The following SPAG16 variants were observed in gnomAD, a reference collection of about 807,000 sequenced individuals.
SPAG16 encodes sperm associated antigen 16.
A neutral mutation model predicts 80.4 loss-of-function variants in SPAG16; 86 were observed. That is an observed-to-expected ratio of 1.07 (90% confidence interval 0.90 to 1.28). SPAG16 has a LOEUF of 1.28. SPAG16 is among the 50% of genes most tolerant of loss of function. The probability of loss-of-function intolerance (pLI) is 0.00; values close to 1 mark genes in which losing one functional copy is unlikely to be tolerated. For synonymous variants in SPAG16, 294 were observed against 265.9 expected (o/e 1.11, Z -1.03); for missense variants, 870 against 765.3 (o/e 1.14, Z -1.61).
chr2:213,384,121 T>G (rs932009767), intron 9 of SPAG16, among the ~76,000 whole-genome samples: 1 of 152,206 alleles, frequency 6.6e-6, no homozygotes, highest in Non-Finnish European at 1.5e-5. Context: ...GAAACTAGAC[T>G]AGGGAATTAT....
At chr2:213,986,813 A>G (rs971793217) in intron 12 of SPAG16, among the ~76,000 whole-genome samples, 4 of 146,956 alleles carry the variant, frequency 2.7e-5, no homozygotes, top group Non-Finnish European at 4.5e-5. Flanking sequence ...AATAAAACAT[A>G]GTGTAAGTAT....
chr2:213,835,171 A>G (rs537667952), intron 10 of SPAG16, among the ~76,000 whole-genome samples: 1 of 152,170 alleles, frequency 6.6e-6, no homozygotes, highest in Non-Finnish European at 1.5e-5. Flanking sequence ...GAGATTTTAC[A>G]TAACTTGCTG....
At chr2:213,409,487 TATC>T (rs1454558298) in intron 9 of SPAG16, among the ~76,000 whole-genome samples, 1 of 152,164 alleles carries the variant, frequency 6.6e-6, no homozygotes, top group Non-Finnish European at 1.5e-5. Context: ...GTTAAAGAGG[TATC>T]ATCCAGTTTT....
At chr2:213,517,745 C>T (rs368818600) in intron 10 of SPAG16, among the ~76,000 whole-genome samples, 6 of 152,072 alleles carry the variant, frequency 3.9e-5, no homozygotes, top group African/African-American at 1.4e-4. Context: ...ACAATCGGCC[C>T]GTTATATGGA....
Position 213,344,822 on chromosome 2 carries a change from T to C in SPAG16, c.644+4552T>C, listed in dbSNP as rs181918101. Among the ~76,000 whole-genome samples, 989 of 152,322 alleles carry C rather than the reference T, an allele frequency of 6.5e-3. 16 individuals carry two copies. Among genetic ancestry groups the C allele is most frequent in the African/African-American group, 0.023 (939 of 41,570 alleles). On this transcript the variant is annotated intron_variant, in intron 6 of 15. Transcript: ENST00000331683. ...GGTTCCAAGTCTTTGCTATTGTGAATAGTGCCGCAATAAACATAACGTGTG... is the reference window on the plus strand; with the variant it reads ...GGTTCCAAGTCTTTGCTATTGTGAACAGTGCCGCAATAAACATAACGTGTG...
rs751493899 is a variant in SPAG16, at chr2:213,340,181, G to A, written c.555G>A (p.Leu185=). 8.7e-6 allele frequency: 14 copies of A among 1,609,316 alleles called. No individual in the cohort carries two copies. Among genetic ancestry groups the A allele is most frequent in the Non-Finnish European group, 1.0e-5 (12 of 1,177,910 alleles). ...TTTTCAGCAAAGCTAGAGAAGATTTGCTGAAAATTCAGAAAGAACGTGATT... is the reference window on the plus strand; with the variant it reads ...TTTTCAGCAAAGCTAGAGAAGATTTACTGAAAATTCAGAAAGAACGTGATT... ...KQAADKARED[L]LKIQKERDFH... Residue 185 remains leucine (L), a synonymous_variant, in exon 6 of 16, where the codon TTG becomes TTA. Coordinates refer to ENST00000331683, the MANE Select transcript of SPAG16 (RefSeq NM_024532.5).
chr2:213,523,238 T>A (rs1000380740), intron 10 of SPAG16, among the ~76,000 whole-genome samples: 1 of 152,160 alleles, frequency 6.6e-6, no homozygotes, highest in East Asian at 1.9e-4. Context: ...TTCCCCCTTT[T>A]GCTTGGCAAT....
At chr2:213,374,212 T>C (rs2066778375) in intron 8 of SPAG16, among the ~76,000 whole-genome samples, 1 of 152,180 alleles carries the variant, frequency 6.6e-6, no homozygotes, top group African/African-American at 2.4e-5. Flanking sequence ...TGCCAGCCAT[T>C]TTCTTCCCTG....
chr2:214,409,781 AATTT>A (rs543367233), intron 15 of SPAG16, among the ~76,000 whole-genome samples: 36 of 152,324 alleles, frequency 2.4e-4, no homozygotes, highest in African/African-American at 8.4e-4. Context: ...TCTAACATAT[AATTT>A]ATTTGAAAAA....
At chr2:214,121,223 A>G (rs1054159128) in intron 14 of SPAG16, among the ~76,000 whole-genome samples, 2 of 151,886 alleles carry the variant, frequency 1.3e-5, no homozygotes, top group African/African-American at 2.4e-5. Flanking sequence ...GAATAAATAA[A>G]TGAATGCTGA....
At position 213,929,963 on chromosome 2, in the gene SPAG16, C is replaced by A. The variant is rs146582764; in HGVS notation, c.1218C>A (p.Gly406=). The part of the protein sequence containing the change: ...WLSDCCFHPS[G]DKLATSSGDT... ...CTTTTTATGTTTTTGCAAATAGTGG[C>A]GACAAATTGGCTACTTCAAGTGGTG... is the stretch of plus-strand genomic sequence containing the variant. Residue 406 remains glycine (G), a synonymous_variant, in exon 12 of 16, where the codon GGC becomes GGA. Coordinates refer to ENST00000331683, the MANE Select transcript of SPAG16 (RefSeq NM_024532.5). The A allele has an allele frequency of 5.6e-6, 9 of 1,598,990 alleles. No individual in the cohort carries two copies. The Admixed American group carries it at 1.2e-4, about 22-fold the overall frequency.
chr2:214,380,648 A>T (rs928829269), intron 15 of SPAG16, among the ~76,000 whole-genome samples: 2 of 152,246 alleles, frequency 1.3e-5, no homozygotes, highest in African/African-American at 4.8e-5. Context: ...CTTAAAACAG[A>T]GCATATCTTC....
chr2:213,397,980 A>AT (rs1411501116), intron 9 of SPAG16, among the ~76,000 whole-genome samples: 2 of 152,020 alleles, frequency 1.3e-5, no homozygotes, highest in African/African-American at 2.4e-5. Flanking sequence ...CTCCCCTTCC[A>AT]TGTTCTCCTT....
chr2:214,141,379 A>G (rs2125537760), intron 14 of SPAG16, among the ~76,000 whole-genome samples: 1 of 152,044 alleles, frequency 6.6e-6, no homozygotes, highest in Middle Eastern at 3.4e-3. Flanking sequence ...AGGCAGGAGA[A>G]TCACCTGAAC....
intron 10 of SPAG16, among the ~76,000 whole-genome samples, chr2:213,699,328 T>C (rs2065302967): frequency 6.6e-6 from 1 of 152,222 alleles, no homozygotes; most frequent in African/African-American, 2.4e-5. Context: ...TGCAGACTTC[T>C]TCATTGCCAG....
chr2:214,016,028 G>A (rs577989076), intron 13 of SPAG16, among the ~76,000 whole-genome samples: 1 of 152,174 alleles, frequency 6.6e-6, no homozygotes, highest in East Asian at 1.9e-4. Context: ...GGAGTTCAGG[G>A]TGAGAAACTT....
chr2:213,337,964 G>A (rs563823954), intron 5 of SPAG16, among the ~76,000 whole-genome samples: 2 of 152,232 alleles, frequency 1.3e-5, no homozygotes, highest in East Asian at 3.9e-4. Context: ...GTTAAGGGCA[G>A]CCAGAGAGAA....
intron 11 of SPAG16, among the ~76,000 whole-genome samples, chr2:213,887,022 A>G (rs2076582947): frequency 6.6e-6 from 1 of 152,038 alleles, no homozygotes; most frequent in South Asian, 2.1e-4. Context: ...TTTTTTTTCT[A>G]TTTTTAAAAC....
chr2:214,147,316 G>A (rs2055698081), intron 14 of SPAG16, among the ~76,000 whole-genome samples: 1 of 152,094 alleles, frequency 6.6e-6, no homozygotes. Flanking sequence ...CAATAACAAT[G>A]ATGAAACTAT....
Sources: allele counts gnomAD v4.1 joint callset (sites outside exome capture counted in the v4.1 genomes callset), GRCh38; gene constraint gnomAD v4.1.1; transcripts MANE v1.5; gene names NCBI Gene and HGNC (gene_info 2026-07-23, HGNC 2026-07-21).